TNKS1BP1: variants seen among roughly 807,000 people sequenced by gnomAD.
TNKS1BP1 encodes CCR4-NOT transcription complex subunit 12, also known as 182 kDa tankyrase-1-binding protein.
Under a neutral mutation model 141.1 loss-of-function variants are expected in TNKS1BP1, and 48 were observed. That is an observed-to-expected ratio of 0.34 (90% confidence interval 0.27 to 0.43). The LOEUF (loss-of-function observed/expected upper bound fraction) is 0.43. Ranked by LOEUF, TNKS1BP1 falls within the 20% of genes least tolerant of loss-of-function variation. The pLI is 1.00. For synonymous variants in TNKS1BP1, 875 were observed against 898.2 expected (o/e 0.97, Z 0.46); for missense variants, 2,149 against 2,226.0 (o/e 0.97, Z 0.70).
chr11:57,313,673 G>A lies in TNKS1BP1; in HGVS notation c.1015C>T (p.Pro339Ser), dbSNP rs759968820. ...CCCTCGTCAGGCAGGGCTGCACTTGGAGCTGATGGAGTCACAGCGGGGCAG... is the reference window on the plus strand; with the variant it reads ...CCCTCGTCAGGCAGGGCTGCACTTGAAGCTGATGGAGTCACAGCGGGGCAG... ...SPCPAVTPSA[P>S]SAALPDEGSR... Residue 339 changes from proline to serine, a missense_variant, in exon 5 of 12, where the codon CCA becomes TCA. Physicochemically the swap from Pro to Ser is moderately conservative, Grantham distance 74. Coordinates refer to ENST00000358252, the MANE Select transcript of TNKS1BP1 (RefSeq NM_033396.3). 6.4e-7 allele frequency: 1 copy of A among 1,567,720 alleles called. No homozygotes were observed. Among genetic ancestry groups the A allele is most frequent in the Non-Finnish European group, 8.7e-7 (1 of 1,155,924 alleles).
intron 6 of TNKS1BP1, among the ~76,000 whole-genome samples, chr11:57,305,982 G>C (rs1462293236): frequency 6.6e-6 from 1 of 152,124 alleles, no homozygotes; most frequent in East Asian, 1.9e-4. Context: ...AAGAGAAAGT[G>C]CCCATAGTGG....
intron 6 of TNKS1BP1, among the ~76,000 whole-genome samples, chr11:57,306,803 G>A (rs1040137297): frequency 4.1e-5 from 6 of 145,574 alleles, no homozygotes; most frequent in Non-Finnish European, 6.0e-5. Flanking sequence ...CACAATCCCC[G>A]CCCCACCTCC....
Position 57,302,274 on chromosome 11 carries a change from G to A in TNKS1BP1, c.4684-50C>T, listed in dbSNP as rs577389971. On this transcript the variant is annotated intron_variant, in intron 7 of 11. Transcript: ENST00000358252. The surrounding 1 kb of genome is among the most constrained non-coding windows in gnomAD (Gnocchi z 5.5). The stretch of plus-strand genomic sequence containing the variant: ...CTGCCATTGCTGCCTCATCCCACGG[G>A]AGCCCCTCAACAGTAGCTGACCAGG... 1.9e-6 allele frequency: 3 copies of A among 1,579,164 alleles called. No individual in the cohort carries two copies. The East Asian group carries it at 6.9e-5, about 36-fold the overall frequency.
chr11:57,320,044 G>A (rs1362299455), intron 3 of TNKS1BP1, 35 bp downstream of exon 3: 8 of 729,302 alleles, frequency 1.1e-5, no homozygotes, highest in Non-Finnish European at 1.1e-5. Context: ...CTGACCTCCA[G>A]GCTGCCACAA....
chr11:57,308,376 A>C lies in TNKS1BP1; in HGVS notation c.4316+19T>G. ...TCACATGTTCCCTCCCACACTTGGG[A>C]TGGGGCTCCGTTCATTACCTTGCTC... is the stretch of plus-strand genomic sequence containing the variant. On this transcript the variant is annotated intron_variant, in intron 6 of 11. Transcript: ENST00000358252. 4 of 1,595,398 alleles carry C rather than the reference A, an allele frequency of 2.5e-6. No individual in the cohort carries two copies. Among genetic ancestry groups the C allele is most frequent in the Non-Finnish European group, 3.4e-6 (4 of 1,167,548 alleles).
chr11:57,307,210 G>A (rs1055996941), intron 6 of TNKS1BP1, among the ~76,000 whole-genome samples: 1 of 151,920 alleles, frequency 6.6e-6, no homozygotes, highest in Non-Finnish European at 1.5e-5. Flanking sequence ...ATTAAAGCTG[G>A]AACTCTGCAC....
intron 6 of TNKS1BP1, chr11:57,303,053 C>G: frequency 2.1e-6 from 1 of 467,412 alleles, no homozygotes; most frequent in Non-Finnish European, 3.7e-6. Flanking sequence ...GGTGAGCCCC[C>G]TCCCCTGGAA....
In TNKS1BP1 at chr11:57,313,502, C is replaced by T. The variant is rs770362326; in HGVS notation, c.1186G>A (p.Glu396Lys). 1 of 1,575,068 alleles carries T rather than the reference C, an allele frequency of 6.3e-7. No homozygotes were observed. Among genetic ancestry groups the T allele is most frequent in the East Asian group, 2.2e-5 (1 of 44,484 alleles). Reference sequence around the variant, plus strand: ...AACGTCCGAGTGAGATCCAGCAACTCACCCACCTCGATCAGGGGCCGGGGT... The same window carrying T: ...AACGTCCGAGTGAGATCCAGCAACTTACCCACCTCGATCAGGGGCCGGGGT... ...TSPRPLIEVG[E>K]LLDLTRTFPS... The change falls in exon 5 of 12, where the codon GAG (glutamate) becomes AAG (lysine). Residue 396 changes from glutamate (E) to lysine (K), a missense_variant. Physicochemically the swap from Glu to Lys is moderately conservative, Grantham distance 56 (BLOSUM62 1). Transcript: ENST00000358252.
chr11:57,313,726 T>C lies in TNKS1BP1; in HGVS notation c.962A>G (p.Gln321Arg). ...SPCHSQLLEA[Q>R]TPEASQASPC... ...AGAAGCCTGGGAAGCTTCAGGAGTC[T>C]GGGCTTCCAGAAGCTGTGAGTGGCA... Residue 321 changes from glutamine (Q) to arginine (R), a missense_variant, in exon 5 of 12, where the codon CAG (glutamine) becomes CGG (arginine). Physicochemically the swap from Gln to Arg is conservative, Grantham distance 43 (BLOSUM62 1). Transcript: ENST00000358252. The C allele has an allele frequency of 6.3e-7, 1 of 1,595,322 alleles. No individual in the cohort carries two copies.
Position 57,320,624 on chromosome 11 carries a change from C to T in TNKS1BP1, c.183G>A (p.Val61=). 1.5e-5 allele frequency: 24 copies of T among 1,613,552 alleles called. No homozygotes were observed. Among genetic ancestry groups the T allele is most frequent in the Non-Finnish European group, 2.0e-5 (24 of 1,179,956 alleles). Residue 61 remains valine (V), a synonymous_variant, in exon 3 of 12, where the codon GTG becomes GTA. Coordinates refer to ENST00000358252, the MANE Select transcript of TNKS1BP1 (RefSeq NM_033396.3). ...PALPAKPSLL[V]PVGPRPPRGP... ...CCCGGGGAGGCCGAGGCCCAACAGGCACCAGCAGGCTGGGTTTGGCAGGCA... is the reference window on the plus strand; with the variant it reads ...CCCGGGGAGGCCGAGGCCCAACAGGTACCAGCAGGCTGGGTTTGGCAGGCA...
Position 57,306,674 on chromosome 11 carries a change from C to T in TNKS1BP1, c.4316+1721G>A, listed in dbSNP as rs1219701373. ...CTCACCTGTATGGCATCACGGCTAA[C>T]CCCTGAACTCGGGTTAAAGTCAACA... On this transcript the variant is annotated intron_variant, in intron 6 of 11. Transcript: ENST00000358252. Among the ~76,000 whole-genome samples the T allele has an allele frequency of 2.0e-5, 3 of 152,238 alleles. No individual in the cohort carries two copies. The East Asian group carries it at 5.8e-4, about 29-fold the overall frequency.
chr11:57,300,156 T>A (rs567995537), intron 11 of TNKS1BP1, 75 bp from the exon 12 acceptor site: 2 of 212,840 alleles, frequency 9.4e-6, no homozygotes, highest in African/African-American at 4.6e-5. Context: ...CCTACACCCA[T>A]CTTGGTGCCC....
In TNKS1BP1 at chr11:57,309,383, T is replaced by A. The variant is rs746635418; in HGVS notation, c.3328A>T (p.Ser1110Cys). Reference sequence around the variant, plus strand: ...CTGGCCTCGATGCAGAAGTCCCGGCTCCAGTCCTGCTGCCCTGGGCTAAAT... The same window carrying A: ...CTGGCCTCGATGCAGAAGTCCCGGCACCAGTCCTGCTGCCCTGGGCTAAAT... Reference protein sequence around the residue: ...AAFSPGQQDWSRDFCIEASER... With the variant: ...AAFSPGQQDWCRDFCIEASER... Residue 1110 changes from serine (S) to cysteine (C), a missense_variant, in exon 6 of 12, where the codon AGC (serine) becomes TGC (cysteine). Ser to Cys is a moderately radical substitution (Grantham distance 112). Coordinates refer to ENST00000358252, the MANE Select transcript of TNKS1BP1 (RefSeq NM_033396.3). The surrounding 1 kb of genome is among the most constrained non-coding windows in gnomAD (Gnocchi z 4.3). The A allele has an allele frequency of 2.5e-6, 4 of 1,614,120 alleles. No homozygotes were observed. The Admixed American group carries it at 6.7e-5, about 27-fold the overall frequency.
chr11:57,321,731 C>T (rs1639140627), intron 2 of TNKS1BP1, 61 bp downstream of exon 2: 3 of 1,293,094 alleles, frequency 2.3e-6, no homozygotes, highest in South Asian at 1.3e-5. Flanking sequence ...AAAGAGGGGG[C>T]AGCCTCTGTC....
At position 57,302,163 on chromosome 11, in the gene TNKS1BP1, C is replaced by T; in HGVS notation, c.4745G>A (p.Gly1582Glu). The T allele has an allele frequency of 1.9e-6, 3 of 1,613,584 alleles. No individual in the cohort carries two copies. Among genetic ancestry groups the T allele is most frequent in the Non-Finnish European group, 2.5e-6 (3 of 1,179,986 alleles). Reference protein sequence around the residue: ...RSRANLGRKRGHRAPVIRPGG... With the variant: ...RSRANLGRKREHRAPVIRPGG... ...AGGCCGAATGACCGGGGCCCGGTGC[C>T]CACGCTTGCGCCCCAAGTTGGCACG... Residue 1582 changes from glycine to glutamate, a missense_variant, in exon 8 of 12, where the codon GGG becomes GAG. Coordinates refer to ENST00000358252, the MANE Select transcript of TNKS1BP1 (RefSeq NM_033396.3). The surrounding 1 kb of genome is among the most constrained non-coding windows in gnomAD (Gnocchi z 5.5).
Position 57,309,323 on chromosome 11 carries a change from C to T in TNKS1BP1, c.3388G>A (p.Asp1130Asn), listed in dbSNP as rs770124427. ...RSYQFGIIGN[D>N]RVSGAGFSPS... ...CTAAAGCCAGCACCACTCACTCTGT[C>T]GTTGCCAATGATGCCAAACTGATAG... The change falls in exon 6 of 12, where the codon GAC (aspartate) becomes AAC (asparagine). Residue 1130 changes from aspartate (D) to asparagine (N), a missense_variant. Physicochemically the swap from Asp to Asn is conservative, Grantham distance 23. Transcript: ENST00000358252. This position sits in a 1 kb window ranked among gnomAD's most constrained non-coding sequence, Gnocchi z 4.3. 8.7e-6 allele frequency: 14 copies of T among 1,614,038 alleles called. No homozygotes were observed. The highest frequency in any genetic ancestry group is 2.2e-5 in the East Asian group (1 of 44,900).
chr11:57,317,834 G>A lies in TNKS1BP1; in HGVS notation c.782C>T (p.Ser261Leu), dbSNP rs1275475335. The A allele has an allele frequency of 2.4e-5, 39 of 1,613,782 alleles. No individual in the cohort carries two copies. Among genetic ancestry groups the A allele is most frequent in the South Asian group, 4.4e-5 (4 of 91,058 alleles). The change falls in exon 4 of 12, where the codon TCG becomes TTG. Residue 261 changes from serine to leucine, a missense_variant. By Grantham distance (145) the Ser-to-Leu change is moderately radical (BLOSUM62 -2). Transcript: ENST00000358252. ...ATAACTCACATCAGCAGGTAGCTCC[G>A]AGCTGGCTGCCTTAGCCAGGTCCCC... ...FNGDLAKAAS[S>L]ELPADISKPW...
chr11:57,319,242 G>T (rs1019108033), intron 3 of TNKS1BP1, among the ~76,000 whole-genome samples: 1 of 150,790 alleles, frequency 6.6e-6, no homozygotes, highest in Non-Finnish European at 1.5e-5. Context: ...CCTGACACAC[G>T]CAGCCCCACC....
chr11:57,306,795 C>T (rs72921992), intron 6 of TNKS1BP1, among the ~76,000 whole-genome samples: 30,563 of 151,700 alleles, frequency 0.2, 3,487 homozygotes, highest in Non-Finnish European at 0.26. Flanking sequence ...AGTCCCATCA[C>T]AATCCCCGCC....
Sources: gnomAD v4.1 joint callset for allele counts (sites outside exome capture counted in the v4.1 genomes callset) on GRCh38, gnomAD v4.1.1 for gene constraint, Gnocchi (gnomAD v3.1) non-coding constraint, MANE v1.5 for transcripts, NCBI Gene and HGNC (gene_info 2026-07-23, HGNC 2026-07-21) for gene names.